PTGS2: variants seen among roughly 807,000 people sequenced by gnomAD.
PTGS2 encodes the protein prostaglandin G/H synthase 2.
Under a neutral mutation model 63.8 loss-of-function variants are expected in PTGS2, and 14 were observed. That is an observed-to-expected ratio of 0.22 (90% CI 0.14 to 0.34). The LOEUF is 0.34. PTGS2 is among the 10% of genes least tolerant of loss of function. PTGS2 has a pLI of 1.00. For missense variants in PTGS2, 533 were observed against 738.5 expected, an observed-to-expected ratio of 0.72 and a Z score of 3.23; for synonymous variants, 271 against 259.5, an observed-to-expected ratio of 1.04 and a Z score of -0.43.
At chr1:186,679,827 T>C (rs913564691) in intron 1 of PTGS2, among the ~76,000 whole-genome samples, 1 of 152,214 alleles carries the variant, frequency 6.6e-6, no homozygotes, top group Non-Finnish European at 1.5e-5. Context: ...ATTTTGCTTA[T>C]CTTAAAACAT....
chr1:186,676,269 G>T, intron 7 of PTGS2, 85 bp from the exon 8 acceptor site: 1 of 1,418,888 alleles, frequency 7.0e-7, no homozygotes. Context: ...TTTAAAATTT[G>T]CTATTCCTTC....
At chr1:186,678,125 C>T in intron 4 of PTGS2, 136 bp downstream of exon 4, 1 of 876,302 alleles carries the variant, frequency 1.1e-6, no homozygotes, top group Non-Finnish European at 1.6e-6. Context: ...TTAAAAAATA[C>T]CCATAGATAA....
At chr1:186,677,542 G>T in intron 5 of PTGS2, 107 bp downstream of exon 5, 1 of 1,177,458 alleles carries the variant, frequency 8.5e-7, no homozygotes, top group Non-Finnish European at 1.1e-6. Flanking sequence ...TTTAAAAAAA[G>T]TGGATAAGTT....
intron 4 of PTGS2, among the ~76,000 whole-genome samples, 199 bp downstream of exon 4, chr1:186,678,062 T>C (rs1665812134): frequency 6.6e-6 from 1 of 152,214 alleles, no homozygotes; most frequent in South Asian, 2.1e-4. Flanking sequence ...TATTAAGACA[T>C]TATACCAAGA....
In PTGS2 at chr1:186,676,107, C is replaced by G. The variant is rs1665775292; in HGVS notation, c.1048G>C (p.Glu350Gln). The G allele has an allele frequency of 6.2e-7, 1 of 1,613,980 alleles. No homozygotes were observed. The highest frequency in any genetic ancestry group is 1.7e-5 in the Admixed American group (1 of 60,002). ...TGGAATTGTTTGTTGAAAAGTAGTT[C>G]TGGGTCAAATTTCAGTTTGAAGTGA... is the stretch of plus-strand genomic sequence containing the variant. ...GYHFKLKFDPELLFNKQFQYQ... is the reference protein window; with the variant it reads ...GYHFKLKFDPQLLFNKQFQYQ... The change falls in exon 8 of 10, where the codon GAA becomes CAA. Residue 350 changes from glutamate (E) to glutamine (Q), a missense_variant. Around this residue, in one of 5 missense-constraint regions of PTGS2, gnomAD observed 67 missense variants for 152.6 expected, o/e 0.44. Transcript: ENST00000367468.
In PTGS2 at chr1:186,675,361, C is replaced by G. The variant is rs1327334629; in HGVS notation, c.1293G>C (p.Gln431His). 6.2e-7 allele frequency: 1 copy of G among 1,614,022 alleles called. No individual in the cohort carries two copies. Among genetic ancestry groups the G allele is most frequent in the Non-Finnish European group, 8.5e-7 (1 of 1,180,012 alleles). The change falls in exon 9 of 10, where the codon CAG becomes CAC. Residue 431 changes from glutamine (Q) to histidine (H), a missense_variant. This residue lies in a region of PTGS2 where 219 missense variants were observed against 267.4 expected (regional missense o/e 0.82). Transcript: ENST00000367468. ...AGGRNVPPAV[Q>H]KVSQASIDQS... ...GGTCAATGGAAGCCTGTGATACTTT[C>G]TGTACTGCGGGTGGAACATTCCTAC...
chr1:186,674,716 G>A lies in PTGS2; in HGVS notation c.1452C>T (p.Ile484=). 1.2e-6 allele frequency: 2 copies of A among 1,614,098 alleles called. No individual in the cohort carries two copies. Among genetic ancestry groups the A allele is most frequent in the Non-Finnish European group, 8.5e-7 (1 of 1,179,980 alleles). Residue 484 remains isoleucine, a synonymous_variant, in exon 10 of 10, where the codon ATC becomes ATT. Transcript: ENST00000367468. ...SAELEALYGD[I]DAVELYPALL... ...GGGCAGGATACAGCTCCACAGCATC[G>A]ATGTCACCATAGAGTGCTTCCAACT...
chr1:186,678,428 G>A (rs1203041457), intron 3 of PTGS2, 24 bp from the exon 4 acceptor site: 1 of 1,564,584 alleles, frequency 6.4e-7, no homozygotes, highest in Admixed American at 1.9e-5. Flanking sequence ...AGAAAAAAAT[G>A]TTTTATTTAT....
In PTGS2 at chr1:186,673,612, A is replaced by T. The variant is rs115973952; in HGVS notation, c.*741T>A. The T allele has an allele frequency of 3.3e-5, 5 of 152,344 alleles. No homozygotes were observed. Among genetic ancestry groups the T allele is most frequent in the Non-Finnish European group, 7.4e-5 (5 of 68,012 alleles). 9.4% of individuals were successfully genotyped at this position (152,344 alleles called of 1,614,324 possible). On this transcript the variant is annotated 3_prime_UTR_variant, in exon 10 of 10. Transcript: ENST00000367468. ...TTTAAAAGGAAGTTTTAACAGTCACACTAAAAAGGTTTATACTCTTGGTGA... is the reference window on the plus strand; with the variant it reads ...TTTAAAAGGAAGTTTTAACAGTCACTCTAAAAAGGTTTATACTCTTGGTGA...
At chr1:186,677,107 T>C (rs1161353283) in intron 5 of PTGS2, among the ~76,000 whole-genome samples, 191 bp from the exon 6 acceptor site, 3 of 152,150 alleles carry the variant, frequency 2.0e-5, no homozygotes, top group East Asian at 3.8e-4. Context: ...CAAACTGATA[T>C]GTCTTTGTGT....
intron 3 of PTGS2, 89 bp from the exon 4 acceptor site, chr1:186,678,493 C>T (rs1239274387): frequency 4.1e-5 from 52 of 1,256,096 alleles, no homozygotes; most frequent in Non-Finnish European, 5.6e-5. Context: ...TGGAAAGTGG[C>T]ACCTGAGGTT....
chr1:186,675,528 G>T, intron 8 of PTGS2, 132 bp from the exon 9 acceptor site: 2 of 1,034,894 alleles, frequency 1.9e-6, no homozygotes, highest in Non-Finnish European at 2.7e-6. Context: ...CTGGAAAGAT[G>T]CTTACCTACA....
rs926587956 is a variant in PTGS2 at position 186,674,328 on chromosome 1, A to G, written c.*25T>C. On this transcript the variant is annotated 3_prime_UTR_variant, in exon 10 of 10. Transcript: ENST00000367468. ...AAATTAATAGACATGGTTCATATAA[A>G]TAAATAAATATGATCATTAGACTTC... 1 of 1,392,656 alleles carries G rather than the reference A, an allele frequency of 7.2e-7. No individual in the cohort carries two copies. The highest frequency in any genetic ancestry group is 1.5e-5 in the African/African-American group (1 of 68,266). The allele number at this position is 1,392,656 out of a possible 1,614,324, so 86.3% of individuals were successfully genotyped here. A position where few individuals can be genotyped will look rare whatever the true frequency, so the allele number is the denominator to read the frequency against.
chr1:186,675,659 G>A (rs905398695), intron 8 of PTGS2: 45 of 609,196 alleles, frequency 7.4e-5, no homozygotes, highest in African/African-American at 3.7e-5. Flanking sequence ...TAAGATTATA[G>A]ATACTTTTTG....
At position 186,672,186 on chromosome 1, in the gene PTGS2, G is replaced by A. The variant is rs183201650; in HGVS notation, c.*2167C>T. The A allele has an allele frequency of 2.6e-3, 397 of 151,838 alleles. 3 individuals are homozygous for A. Among genetic ancestry groups the A allele is most frequent in the African/African-American group, 9.0e-3 (374 of 41,426 alleles). 9.4% of individuals were successfully genotyped at this position (151,838 alleles called of 1,614,324 possible). A position where few individuals can be genotyped will look rare whatever the true frequency, so the allele number is the denominator to read the frequency against. ...ATAAATACTATTATCTGTAATCAGC[G>A]TTTGATTTAAAAATATTAAAACCCA... is the stretch of plus-strand genomic sequence containing the variant. On this transcript the variant is annotated 3_prime_UTR_variant, in exon 10 of 10. Coordinates refer to ENST00000367468, the MANE Select transcript of PTGS2 (RefSeq NM_000963.4).
At position 186,675,946 on chromosome 1, in the gene PTGS2, A is replaced by T. The variant is rs5279; in HGVS notation, c.1209T>A (p.His403Gln). ...FIYNNSILLE[H>Q]GITQFVESFT... ...ATGATTCAACAAACTGGGTAATTCC[A>T]TGTTCCAGCAATATAGAGTTGTTGT... Residue 403 changes from histidine to glutamine, a missense_variant, in exon 8 of 10, where the codon CAT (histidine) becomes CAA (glutamine). Coordinates refer to ENST00000367468, the MANE Select transcript of PTGS2 (RefSeq NM_000963.4). 7 of 1,613,826 alleles carry T rather than the reference A, an allele frequency of 4.3e-6. No individual in the cohort carries two copies. The highest frequency in any genetic ancestry group is 5.9e-6 in the Non-Finnish European group (7 of 1,179,940).
Position 186,679,113 on chromosome 1 carries a change from G to C in PTGS2, c.258C>G (p.Asn86Lys), listed in dbSNP as rs773231889. 4 of 1,614,084 alleles carry C rather than the reference G, an allele frequency of 2.5e-6. No homozygotes were observed. Among genetic ancestry groups the C allele is most frequent in the Non-Finnish European group, 3.4e-6 (4 of 1,179,968 alleles). ...GAAGGAAGGGAATGTTATTCACAAC[G>C]TTCCAAAATCCCTTGAAGTGGGTAA... Reference protein sequence around the residue: ...YILTHFKGFWNVVNNIPFLRN... With the variant: ...YILTHFKGFWKVVNNIPFLRN... Residue 86 changes from asparagine (N) to lysine (K), a missense_variant, in exon 3 of 10, where the codon AAC (asparagine) becomes AAG (lysine). By Grantham distance (94) the Asn-to-Lys change is moderately conservative. Around this residue, in one of 5 missense-constraint regions of PTGS2, gnomAD observed 118 missense variants for 144.6 expected, o/e 0.82. Transcript: ENST00000367468.
chr1:186,676,420 A>G (rs1180029908), intron 7 of PTGS2, 47 bp downstream of exon 7: 7 of 1,593,880 alleles, frequency 4.4e-6, no homozygotes, highest in Admixed American at 1.7e-5. Flanking sequence ...TAGCACACTA[A>G]TTTTCCCTGG....
chr1:186,674,497 G>A lies in PTGS2; in HGVS notation c.1671C>T (p.Asn557=), dbSNP rs200081470. Residue 557 remains asparagine, a synonymous_variant, in exon 10 of 10, where the codon AAC becomes AAT. Transcript: ENST00000367468. ...TASIQSLICN[N]VKGCPFTSFS... is the part of the protein sequence containing the mutation. ...ATGAAGTAAAGGGACAGCCCTTCACGTTATTGCAGATGAGAGACTGAATTG... is the reference window on the plus strand; with the variant it reads ...ATGAAGTAAAGGGACAGCCCTTCACATTATTGCAGATGAGAGACTGAATTG... The A allele has an allele frequency of 1.2e-6, 2 of 1,614,056 alleles. No individual in the cohort carries two copies. The highest frequency in any genetic ancestry group is 1.7e-6 in the Non-Finnish European group (2 of 1,180,040).
Sources: allele counts gnomAD v4.1 joint callset (sites outside exome capture counted in the v4.1 genomes callset), GRCh38; gene constraint gnomAD v4.1.1; regional missense constraint gnomAD v4.1.1; transcripts MANE v1.5; gene names NCBI Gene and HGNC (gene_info 2026-07-23, HGNC 2026-07-21).